GRIK4: variants seen among roughly 807,000 people sequenced by gnomAD.
GRIK4 encodes glutamate ionotropic receptor kainate type subunit 4.
GRIK4 carries 40 observed loss-of-function variants against 104.9 expected under a neutral mutation model. The ratio of observed to expected loss-of-function variants is 0.38; its 90% CI spans 0.30 to 0.50. The LOEUF (loss-of-function observed/expected upper bound fraction) is 0.50, where lower values mean the gene tolerates loss of function less well. Ranked by LOEUF, GRIK4 falls within the 20% of genes least tolerant of loss-of-function variation. The pLI, the probability that GRIK4 is intolerant of heterozygous loss-of-function variation, is 0.93. For missense variants in GRIK4, 1,047 were observed against 1,308.1 expected, an observed-to-expected ratio of 0.80 and a Z score of 3.08; for synonymous variants, 485 against 524.9, an observed-to-expected ratio of 0.92 and a Z score of 1.04.
rs1947689275 is a variant in GRIK4 at position 120,513,789 on chromosome 11, C to T, written c.-159+1902C>T. Among the ~76,000 whole-genome samples the T allele has an allele frequency of 1.3e-5, 2 of 152,120 alleles. No individual in the cohort carries two copies. The highest frequency in any genetic ancestry group is 2.9e-5 in the Non-Finnish European group (2 of 68,018). The stretch of plus-strand genomic sequence containing the variant: ...TCCGGGTGGGGAAGAGGTGGATGCT[C>T]GGGAGGGGAGGTTGAGAGGGGATCT... On this transcript the variant is annotated intron_variant, in intron 1 of 20. Transcript: ENST00000527524. The surrounding 1 kb of genome is among the most constrained non-coding windows in gnomAD (Gnocchi z 4.5).
At chr11:120,829,176 C>T (rs1423259904) in intron 6 of GRIK4, among the ~76,000 whole-genome samples, 1 of 152,194 alleles carries the variant, frequency 6.6e-6, no homozygotes, top group Admixed American at 6.5e-5. Context: ...GGGGCACCCT[C>T]ACCCACAGCC....
At chr11:120,949,396 A>G (rs1330124316) in intron 14 of GRIK4, among the ~76,000 whole-genome samples, 2 of 152,146 alleles carry the variant, frequency 1.3e-5, no homozygotes, top group Non-Finnish European at 1.5e-5. Context: ...CTAATTTTCA[A>G]TTTCATCCGC....
intron 13 of GRIK4, among the ~76,000 whole-genome samples, chr11:120,917,265 AAAAAAAAGAAAG>A (rs1943127159): frequency 6.9e-6 from 1 of 145,190 alleles, no homozygotes; most frequent in African/African-American, 2.7e-5. Context: ...AAAAAAAAAA[AAAAAAAAGAAAG>A]AAAGAAAGAA....
chr11:120,883,571 T>A (rs115203869), intron 11 of GRIK4, among the ~76,000 whole-genome samples: 1,688 of 152,094 alleles, frequency 0.011, 28 homozygotes, highest in African/African-American at 0.038. Flanking sequence ...ACCTGAAGGG[T>A]GTTTTCTCTC....
chr11:120,813,642 G>A (rs1952873794), intron 4 of GRIK4, among the ~76,000 whole-genome samples: 1 of 152,158 alleles, frequency 6.6e-6, no homozygotes. Context: ...GAACCCTGGT[G>A]TTCTGCCTTG....
chr11:120,979,715 G>A (rs1365787841), intron 19 of GRIK4, among the ~76,000 whole-genome samples: 1 of 152,194 alleles, frequency 6.6e-6, no homozygotes, highest in Non-Finnish European at 1.5e-5. Context: ...GACTGATAGG[G>A]AGGCAGGGGG....
intron 1 of GRIK4, among the ~76,000 whole-genome samples, chr11:120,597,885 G>A (rs958725232): frequency 6.6e-6 from 1 of 152,176 alleles, no homozygotes; most frequent in Non-Finnish European, 1.5e-5. Context: ...TGCCGTTGAA[G>A]ACTCCTGTTC....
intron 18 of GRIK4, among the ~76,000 whole-genome samples, chr11:120,966,565 T>A (rs1336737954): frequency 6.6e-6 from 1 of 152,062 alleles, no homozygotes; most frequent in African/African-American, 2.4e-5. Flanking sequence ...AGAGATGGGG[T>A]TTCACCATAT....
intron 13 of GRIK4, chr11:120,936,057 C>T (rs556061331): frequency 8.7e-5 from 9 of 104,024 alleles, no homozygotes; most frequent in Admixed American, 8.1e-4. Flanking sequence ...TCTTCATCTT[C>T]TTCATCTTCC....
At chr11:120,890,678 G>A (rs993889887) in intron 11 of GRIK4, among the ~76,000 whole-genome samples, 3 of 152,180 alleles carry the variant, frequency 2.0e-5, no homozygotes, top group Non-Finnish European at 2.9e-5. Context: ...GTATGAAAGT[G>A]CCTACATTAA....
At chr11:120,715,286 G>A (rs1950808860) in intron 3 of GRIK4, among the ~76,000 whole-genome samples, 1 of 152,210 alleles carries the variant, frequency 6.6e-6, no homozygotes, top group African/African-American at 2.4e-5. Context: ...AACCTACGAG[G>A]GCAGGCAAGA....
intron 3 of GRIK4, among the ~76,000 whole-genome samples, chr11:120,794,425 C>G (rs150742517): frequency 2.8e-4 from 42 of 152,090 alleles, no homozygotes; most frequent in African/African-American, 9.7e-4. Context: ...TGTCTCCTCT[C>G]CAGAATTTCT....
At chr11:120,665,367 A>G (rs1216966697) in intron 3 of GRIK4, among the ~76,000 whole-genome samples, 4 of 152,194 alleles carry the variant, frequency 2.6e-5, no homozygotes, top group Admixed American at 6.5e-5. Flanking sequence ...TAGACAATCA[A>G]TTGGTCTTTC....
intron 3 of GRIK4, among the ~76,000 whole-genome samples, chr11:120,748,125 T>G (rs1427449191): frequency 2.0e-5 from 3 of 152,058 alleles, no homozygotes; most frequent in Non-Finnish European, 4.4e-5. Flanking sequence ...CACCAAGACC[T>G]TGGCTGGGGA....
chr11:120,581,836 T>C (rs1948584774), intron 1 of GRIK4, among the ~76,000 whole-genome samples: 1 of 152,058 alleles, frequency 6.6e-6, no homozygotes. Flanking sequence ...AGACGGAGTC[T>C]TGCTCTGTTG....
chr11:120,982,222 GA>G lies in GRIK4; in HGVS notation c.2513del (p.Glu838GlyfsTer9). 6.5e-7 allele frequency: 1 copy of G among 1,537,702 alleles called. No homozygotes were observed. Among genetic ancestry groups the G allele is most frequent in the Non-Finnish European group, 9.0e-7 (1 of 1,110,254 alleles). Reference protein sequence around the residue: ...LWTLRHSEATEVSVCQEMVTE... With the variant: ...LWTLRHSEATXVSVCQEMVTE... ...GACTCTCAGACACTCAGAAGCAACT[GA>G]GGTAAACTTTCAAAGGGGTATGATC... On this transcript the variant is annotated frameshift_variant and splice_region_variant, in exon 20 of 21. Coordinates refer to ENST00000527524, the MANE Select transcript of GRIK4 (RefSeq NM_014619.5). LOFTEE classifies it high-confidence loss of function.
intron 3 of GRIK4, among the ~76,000 whole-genome samples, chr11:120,736,854 T>C (rs1305895800): frequency 6.6e-6 from 1 of 151,884 alleles, no homozygotes; most frequent in East Asian, 1.9e-4. Context: ...ATGAGCCTCT[T>C]ATCCCCAGAT....
At chr11:120,710,946 G>T (rs904410507) in intron 3 of GRIK4, among the ~76,000 whole-genome samples, 1 of 151,368 alleles carries the variant, frequency 6.6e-6, no homozygotes, top group Admixed American at 6.6e-5. Flanking sequence ...AGAAGGCAGT[G>T]CAGAACTGGA....
At chr11:120,610,379 A>G (rs967870884) in intron 1 of GRIK4, among the ~76,000 whole-genome samples, 1 of 152,248 alleles carries the variant, frequency 6.6e-6, no homozygotes, top group African/African-American at 2.4e-5. Context: ...ACACTCAGAG[A>G]TGAGATTGTT....
Sources: gnomAD v4.1 joint callset for allele counts (sites outside exome capture counted in the v4.1 genomes callset) on GRCh38, gnomAD v4.1.1 for gene constraint, Gnocchi (gnomAD v3.1) non-coding constraint, MANE v1.5 for transcripts, NCBI Gene and HGNC (gene_info 2026-07-23, HGNC 2026-07-21) for gene names.